Variants in UTS2 observed in about 807,000 individuals in gnomAD.
UTS2 encodes urotensin 2, also known as urotensin-2.
In UTS2, 10 loss-of-function variants were observed where a neutral mutation model predicts 12.6. That is an observed-to-expected ratio of 0.80 (90% CI 0.49 to 1.35). The LOEUF (loss-of-function observed/expected upper bound fraction) is 1.35, where lower values mean the gene tolerates loss of function less well. Among genes scored for constraint, UTS2 ranks in the 40% most tolerant of loss-of-function variants. UTS2 has a pLI of 0.00. For missense variants in UTS2, 142 were observed against 143.2 expected (o/e 0.99, Z 0.04); for synonymous variants, 52 against 50.0 (o/e 1.04, Z -0.17).
At chr1:7,876,354 A>G in the UTS2 span, among the ~76,000 whole-genome samples, 11 of 152,178 alleles carry the variant, frequency 7.2e-5, no homozygotes, top group African/African-American at 2.7e-4. Context: ...TGCTACCACC[A>G]GCACTTGCAC....
chr1:7,904,142 A>G, the UTS2 span, among the ~76,000 whole-genome samples: 1 of 152,054 alleles, frequency 6.6e-6, no homozygotes, highest in Non-Finnish European at 1.5e-5. Flanking sequence ...GAGTTCTAAT[A>G]TAAATTTTTA....
chr1:7,869,184 T>A, the UTS2 span, among the ~76,000 whole-genome samples: 37 of 152,348 alleles, frequency 2.4e-4, no homozygotes, highest in African/African-American at 8.9e-4. Context: ...GCCAAGGTCC[T>A]GCAGCTGACC....
chr1:7,862,154 TC>T, the UTS2 span, among the ~76,000 whole-genome samples: 20 of 149,726 alleles, frequency 1.3e-4, no homozygotes, highest in South Asian at 4.3e-4. Context: ...CTCAGGTGAT[TC>T]CCCCCCCGCC....
chr1:7,873,327 A>G, the UTS2 span, among the ~76,000 whole-genome samples: 7 of 152,362 alleles, frequency 4.6e-5, no homozygotes, highest in East Asian at 1.2e-3. Flanking sequence ...AATGTATTTC[A>G]TGAGGCTTTA....
chr1:7,897,743 C>T, the UTS2 span, among the ~76,000 whole-genome samples: 1,656 of 152,072 alleles, frequency 0.011, 35 homozygotes, highest in African/African-American at 0.038. Context: ...CCCGCCACCA[C>T]GCCCGGCTAA....
the UTS2 span, among the ~76,000 whole-genome samples, chr1:7,872,969 G>A: frequency 2.6e-5 from 4 of 152,214 alleles, no homozygotes; most frequent in Non-Finnish European, 5.9e-5. Context: ...TTAAGTTGAA[G>A]TCAGCACTCA....
the UTS2 span, among the ~76,000 whole-genome samples, chr1:7,883,151 AC>A: frequency 2.0e-5 from 3 of 152,246 alleles, no homozygotes; most frequent in Non-Finnish European, 4.4e-5. Flanking sequence ...CAAGGGATGA[AC>A]AGATAAAGAA....
chr1:7,909,975 TA>T, the UTS2 span, among the ~76,000 whole-genome samples: 1 of 152,214 alleles, frequency 6.6e-6, no homozygotes, highest in Non-Finnish European at 1.5e-5. Context: ...CTGCAAAGCA[TA>T]TGTATGTGTT....
intron 1 of UTS2, among the ~76,000 whole-genome samples, chr1:7,851,136 G>A (rs1461664883): frequency 6.6e-6 from 1 of 152,220 alleles, no homozygotes; most frequent in Non-Finnish European, 1.5e-5. Context: ...GGGAGACGTG[G>A]ATCTGACACC....
chr1:7,853,161 G>A (rs1055513364), upstream of UTS2: 67 of 1,489,894 alleles, frequency 4.5e-5, no homozygotes, highest in Non-Finnish European at 5.7e-5. Flanking sequence ...GGCTATGGAG[G>A]CTAAAAGGCA....
At chr1:7,908,469 A>C in the UTS2 span, among the ~76,000 whole-genome samples, 1 of 150,636 alleles carries the variant, frequency 6.6e-6, no homozygotes, top group Non-Finnish European at 1.5e-5. Flanking sequence ...TCAAAAAAAA[A>C]AAAAAAAAAA....
At chr1:7,849,413 G>A (rs1441823789) in intron 3 of UTS2, among the ~76,000 whole-genome samples, 12 of 152,066 alleles carry the variant, frequency 7.9e-5, no homozygotes, top group African/African-American at 2.7e-4. Context: ...GTTTCACCAT[G>A]TTGGCCAGGC....
At chr1:7,910,632 A>G in the UTS2 span, among the ~76,000 whole-genome samples, 102 of 152,332 alleles carry the variant, frequency 6.7e-4, no homozygotes, top group African/African-American at 2.3e-3. Flanking sequence ...CTTTTCTCCT[A>G]TTAATTTGGC....
rs752465397 is a variant in UTS2 at position 7,847,772 on chromosome 1, A to T, written c.369T>A (p.Cys123Ter). 2 of 1,610,276 alleles carry T rather than the reference A, an allele frequency of 1.2e-6. No individual in the cohort carries two copies. Among genetic ancestry groups the T allele is most frequent in the South Asian group, 2.2e-5 (2 of 90,446 alleles). The change falls in exon 4 of 4, where the codon TGT (cysteine) becomes TGA (stop). Residue 123 changes from cysteine (C) to a stop codon, truncating the protein, a stop_gained. Coordinates refer to ENST00000361696, the MANE Select transcript of UTS2 (RefSeq NM_006786.4). LOFTEE classifies it high-confidence loss of function. ...AACAGATGCTTATTTCACTTCAGAC[A>T]CAGTATTTCCAGAAGCAATCAGGAG... ...RETPDCFWKY[C>*]V
chr1:7,863,418 G>A, the UTS2 span, among the ~76,000 whole-genome samples: 21,903 of 152,170 alleles, frequency 0.14, 1,891 homozygotes, highest in Non-Finnish European at 0.18. Flanking sequence ...GCCGACAGCC[G>A]TTATTTAAAA....
chr1:7,909,569 A>G, the UTS2 span, among the ~76,000 whole-genome samples: 1 of 151,926 alleles, frequency 6.6e-6, no homozygotes, highest in African/African-American at 2.4e-5. Flanking sequence ...AAAAGAAAAA[A>G]AAATTTAGGT....
chr1:7,878,003 A>T, the UTS2 span, among the ~76,000 whole-genome samples: 1 of 152,238 alleles, frequency 6.6e-6, no homozygotes, highest in Non-Finnish European at 1.5e-5. Context: ...ATTATAGTTA[A>T]ACTGTCAAAA....
At chr1:7,912,501 T>C in the UTS2 span, among the ~76,000 whole-genome samples, 1 of 152,182 alleles carries the variant, frequency 6.6e-6, no homozygotes, top group Non-Finnish European at 1.5e-5. Flanking sequence ...TTGCCCATGC[T>C]GGAGTGCAGT....
the UTS2 span, among the ~76,000 whole-genome samples, chr1:7,911,017 C>T: frequency 8.6e-4 from 128 of 149,412 alleles, no homozygotes; most frequent in African/African-American, 3.0e-3. Flanking sequence ...TGTGAGCCAC[C>T]GTGACTGCCT....
Sources: gnomAD v4.1 joint callset for allele counts (sites outside exome capture counted in the v4.1 genomes callset) on GRCh38, gnomAD v4.1.1 for gene constraint, MANE v1.5 for transcripts, NCBI Gene and HGNC (gene_info 2026-07-23, HGNC 2026-07-21) for gene names.